The following ST6GALNAC3 variants were observed in gnomAD, a reference collection of about 807,000 sequenced individuals.
ST6GALNAC3 encodes alpha-N-acetylgalactosaminide alpha-2,6-sialyltransferase 3.
A neutral mutation model predicts 32.7 loss-of-function variants in ST6GALNAC3; 25 were observed. That is an observed-to-expected ratio of 0.76 (90% CI 0.56 to 1.07). ST6GALNAC3 has a LOEUF of 1.07. Among genes scored for constraint, ST6GALNAC3 ranks in the 50% least tolerant of loss-of-function variants. The pLI, the probability that ST6GALNAC3 is intolerant of heterozygous loss-of-function variation, is 0.00. For missense variants in ST6GALNAC3, 355 were observed against 382.4 expected (o/e 0.93, Z 0.60); for synonymous variants, 129 against 133.1 (o/e 0.97, Z 0.21).
chr1:76,277,717 CTG>C (rs2100775869), intron 1 of ST6GALNAC3, among the ~76,000 whole-genome samples: 1 of 151,628 alleles, frequency 6.6e-6, no homozygotes, highest in South Asian at 2.1e-4. Flanking sequence ...CTTATTTCAT[CTG>C]TGTTTTAATA....
Position 76,199,398 on chromosome 1 carries a change from T to G in ST6GALNAC3, c.19-114407T>G, listed in dbSNP as rs75040556. On this transcript the variant is annotated intron_variant, in intron 1 of 4. Coordinates refer to ENST00000328299, the MANE Select transcript of ST6GALNAC3 (RefSeq NM_152996.4). Reference sequence around the variant, plus strand: ...CATAAGGAAAATTCCCTGGAGTTGATGAGTAGTAGAGCTGTGCTTCTGCTT... The same window carrying G: ...CATAAGGAAAATTCCCTGGAGTTGAGGAGTAGTAGAGCTGTGCTTCTGCTT... Among the ~76,000 whole-genome samples the G allele has an allele frequency of 6.7e-3, 1,015 of 152,292 alleles. 7 individuals are homozygous for G. Among genetic ancestry groups the G allele is most frequent in the Middle Eastern group, 0.02 (6 of 294 alleles).
intron 1 of ST6GALNAC3, chr1:76,142,985 A>T: frequency 2.5e-6 from 1 of 402,096 alleles, no homozygotes; most frequent in South Asian, 1.8e-5. Context: ...CACAGCCAGA[A>T]CCGGCAGAGG....
chr1:76,157,164 T>C (rs184998707), intron 1 of ST6GALNAC3, among the ~76,000 whole-genome samples: 2 of 152,176 alleles, frequency 1.3e-5, no homozygotes, highest in African/African-American at 4.8e-5. Flanking sequence ...AACCAATCTA[T>C]AGATGCCTAT....
chr1:76,142,794 G>C, intron 1 of ST6GALNAC3: 1 of 448,886 alleles, frequency 2.2e-6, no homozygotes, highest in African/African-American at 2.0e-5. Context: ...TGCTGGTAGA[G>C]GCCCCGCTTC....
At chr1:76,217,624 A>G (rs2100593742) in intron 1 of ST6GALNAC3, among the ~76,000 whole-genome samples, 1 of 152,214 alleles carries the variant, frequency 6.6e-6, no homozygotes, top group East Asian at 1.9e-4. Context: ...TCACCCAAGC[A>G]GTGAACACTG....
Position 76,230,395 on chromosome 1 carries a change from G to T in ST6GALNAC3, c.19-83410G>T, listed in dbSNP as rs191744696. 2.6e-5 allele frequency among the ~76,000 whole-genome samples: 4 copies of T among 152,186 alleles called. No homozygotes were observed. In the East Asian group the frequency reaches 7.7e-4, roughly 29 times the overall value. The stretch of plus-strand genomic sequence containing the variant: ...CTTTAATAGGATGAAAGAAAAGAAG[G>T]ATGCAAAAATACTTAAATACTGTTC... On this transcript the variant is annotated intron_variant, in intron 1 of 4. Coordinates refer to ENST00000328299, the MANE Select transcript of ST6GALNAC3 (RefSeq NM_152996.4).
chr1:76,433,780 G>C (rs1339274513), intron 3 of ST6GALNAC3, among the ~76,000 whole-genome samples: 1 of 151,996 alleles, frequency 6.6e-6, no homozygotes, highest in African/African-American at 2.4e-5. Flanking sequence ...GTTACTAAAT[G>C]GAAAAAAATG....
chr1:76,267,084 C>T (rs1442031669), intron 1 of ST6GALNAC3, among the ~76,000 whole-genome samples: 1 of 152,210 alleles, frequency 6.6e-6, no homozygotes. Flanking sequence ...AGGAGTATCC[C>T]ACCTCCCTTC....
chr1:76,151,661 C>T (rs1651051274), intron 1 of ST6GALNAC3, among the ~76,000 whole-genome samples: 1 of 151,972 alleles, frequency 6.6e-6, no homozygotes, highest in South Asian at 2.1e-4. Context: ...AGTGATCACA[C>T]CTGAGAGGGG....
At chr1:76,171,944 C>G (rs1192730184) in intron 1 of ST6GALNAC3, among the ~76,000 whole-genome samples, 3 of 151,780 alleles carry the variant, frequency 2.0e-5, no homozygotes, top group Admixed American at 6.6e-5. Context: ...GAAACTATTC[C>G]AAACAGTTGA....
chr1:76,574,115 C>T (rs1031077234), intron 3 of ST6GALNAC3, among the ~76,000 whole-genome samples: 1 of 151,954 alleles, frequency 6.6e-6, no homozygotes, highest in African/African-American at 2.4e-5. Flanking sequence ...TAGAAATACC[C>T]AGTATGAAAC....
intron 3 of ST6GALNAC3, among the ~76,000 whole-genome samples, chr1:76,515,254 G>A (rs1417803292): frequency 6.6e-6 from 1 of 151,722 alleles, no homozygotes; most frequent in African/African-American, 2.4e-5. Context: ...ACAATCCTTC[G>A]TATTTCTGTG....
intron 2 of ST6GALNAC3, among the ~76,000 whole-genome samples, chr1:76,337,361 T>C (rs945994745): frequency 6.6e-6 from 1 of 152,204 alleles, no homozygotes; most frequent in Non-Finnish European, 1.5e-5. Flanking sequence ...CGGAAGCTAC[T>C]GTAAGATTAG....
intron 1 of ST6GALNAC3, among the ~76,000 whole-genome samples, chr1:76,292,543 G>A (rs1421985509): frequency 2.0e-5 from 3 of 152,168 alleles, no homozygotes; most frequent in African/African-American, 7.2e-5. Context: ...AGTAAGATTG[G>A]CTTACTTGTT....
At chr1:76,498,916 T>G (rs979872021) in intron 3 of ST6GALNAC3, among the ~76,000 whole-genome samples, 11 of 152,146 alleles carry the variant, frequency 7.2e-5, no homozygotes, top group Admixed American at 5.2e-4. Context: ...TAAATTTGAT[T>G]ATATAAGAAT....
intron 3 of ST6GALNAC3, among the ~76,000 whole-genome samples, chr1:76,488,328 TTCACC>T (rs2101682145): frequency 1.1e-5 from 1 of 87,276 alleles, no homozygotes; most frequent in South Asian, 5.5e-4. Flanking sequence ...CGGCTACCCC[TTCACC>T]TTCTGTGTTG....
chr1:76,326,479 G>T (rs1647072141), intron 2 of ST6GALNAC3, among the ~76,000 whole-genome samples: 1 of 152,148 alleles, frequency 6.6e-6, no homozygotes, highest in Non-Finnish European at 1.5e-5. Context: ...CATTCTGGTG[G>T]AATATTTATG....
chr1:76,605,296 C>T (rs933864021), intron 3 of ST6GALNAC3, among the ~76,000 whole-genome samples: 2 of 152,092 alleles, frequency 1.3e-5, no homozygotes, highest in Non-Finnish European at 2.9e-5. Context: ...GCTACGGAGT[C>T]TTGACAATTT....
chr1:76,484,401 G>T (rs931556763), intron 3 of ST6GALNAC3, among the ~76,000 whole-genome samples: 10 of 152,160 alleles, frequency 6.6e-5, no homozygotes, highest in South Asian at 2.1e-4. Flanking sequence ...ATTTCGTTGA[G>T]CAGTGGTTTG....
Sources: gnomAD v4.1 joint callset for allele counts (sites outside exome capture counted in the v4.1 genomes callset) on GRCh38, gnomAD v4.1.1 for gene constraint, MANE v1.5 for transcripts, NCBI Gene and HGNC (gene_info 2026-07-23, HGNC 2026-07-21) for gene names.